Variants in WDR31 observed in about 807,000 individuals in gnomAD.
WDR31 encodes WD repeat domain 31, also known as WD repeat-containing protein 31.
In WDR31, 30 loss-of-function variants were observed where a neutral mutation model predicts 47.3. That is an observed-to-expected ratio of 0.63 (90% confidence interval 0.47 to 0.86). The LOEUF is 0.86. Among genes scored for constraint, WDR31 ranks in the 40% least tolerant of loss-of-function variants. WDR31 has a pLI of 0.00. For missense variants in WDR31, 406 were observed against 442.9 expected, an observed-to-expected ratio of 0.92 and a Z score of 0.75; for synonymous variants, 137 against 159.4, an observed-to-expected ratio of 0.86 and a Z score of 1.06.
intron 3 of WDR31, 130 bp from the exon 4 acceptor site, chr9:113,331,246 G>T (rs749070819): frequency 1.8e-4 from 123 of 683,132 alleles, no homozygotes; most frequent in Non-Finnish European, 2.7e-4. Context: ...TATTTAAAAA[G>T]GAGAAGAGAA....
At chr9:113,326,444 TTC>T (rs1022034820) in intron 5 of WDR31, among the ~76,000 whole-genome samples, 22 of 150,566 alleles carry the variant, frequency 1.5e-4, no homozygotes, top group South Asian at 4.2e-4. Context: ...TCTCTCTTCT[TTC>T]TCTCTCTCTC....
intron 4 of WDR31, 114 bp downstream of exon 4, chr9:113,330,870 A>G (rs1457499775): frequency 1.6e-6 from 2 of 1,220,182 alleles, no homozygotes; most frequent in Non-Finnish European, 2.2e-6. Flanking sequence ...TCTAAAGCCA[A>G]TATTTTTACA....
chr9:113,332,701 T>C (rs965921848), intron 2 of WDR31, among the ~76,000 whole-genome samples: 1 of 151,834 alleles, frequency 6.6e-6, no homozygotes, highest in African/African-American at 2.4e-5. Flanking sequence ...ATACAGAGTA[T>C]CTTAATAGGC....
intron 1 of WDR31, among the ~76,000 whole-genome samples, chr9:113,336,702 T>G (rs918194144): frequency 2.0e-5 from 3 of 152,232 alleles, no homozygotes; most frequent in Non-Finnish European, 4.4e-5. Context: ...AGTTGACTGC[T>G]TATTTCAGAG....
Position 113,318,566 on chromosome 9 carries a change from G to T in WDR31, c.852C>A (p.Cys284Ter). Residue 284 changes from cysteine to a stop codon, truncating the protein, a stop_gained, in exon 10 of 11, where the codon TGC becomes TGA. Coordinates refer to ENST00000374193, the MANE Select transcript of WDR31 (RefSeq NM_001012361.4). LOFTEE classifies it high-confidence loss of function. ...AGGCCAATGCTCTTGGTAGAAAGAC[G>T]CAGGATGCGACAGTCTGGAAATGCC... The part of the protein sequence containing the change: ...YKGHFQTVAS[C>*]VFLPRALALM... 6.2e-7 allele frequency: 1 copy of T among 1,614,192 alleles called. No individual in the cohort carries two copies.
intron 4 of WDR31, among the ~76,000 whole-genome samples, chr9:113,329,598 G>A (rs1221554293): frequency 6.6e-6 from 1 of 151,784 alleles, no homozygotes; most frequent in African/African-American, 2.4e-5. Context: ...CACCCTGCCT[G>A]GCCTAGATTT....
rs139857988 is a variant in WDR31, at chr9:113,317,718, A to G, written c.943+757T>C. ...CTGTTGTAGGACAGATTTGGTTTAA[A>G]GTTCTTTAAGGCAATGCTGTTTCTG... On this transcript the variant is annotated intron_variant, in intron 10 of 10. Coordinates refer to ENST00000374193, the MANE Select transcript of WDR31 (RefSeq NM_001012361.4). 5.3e-5 allele frequency among the ~76,000 whole-genome samples: 8 copies of G among 152,336 alleles called. No individual in the cohort carries two copies. In the East Asian group the frequency reaches 1.5e-3, roughly 29 times the overall value.
In WDR31 at chr9:113,323,030, G is replaced by T. The variant is rs150259659; in HGVS notation, c.450C>A (p.Thr150=). The change falls in exon 6 of 11, where the codon ACC becomes ACA. Residue 150 remains threonine (T), a synonymous_variant. Transcript: ENST00000374193. ...QQLCGHAMVV[T]GLAVSPDSSQ... is the part of the protein sequence containing the mutation. ...TTTTACCTGGACTCACAGCCAATCC[G>T]GTGACCACCATGGCATGGCCACACA... is the stretch of plus-strand genomic sequence containing the variant. 53 of 1,614,150 alleles carry T rather than the reference G, an allele frequency of 3.3e-5. No homozygotes were observed. The African/African-American group carries it at 6.7e-4, about 20-fold the overall frequency.
chr9:113,314,033 G>C lies in WDR31; in HGVS notation c.*2716C>G, dbSNP rs1358126623. The C allele has an allele frequency of 6.6e-6, 1 of 151,250 alleles. No homozygotes were observed. Among genetic ancestry groups the C allele is most frequent in the Non-Finnish European group, 1.5e-5 (1 of 67,880 alleles). The allele number at this position is 151,250 out of a possible 1,614,324, so 9.4% of individuals were successfully genotyped here. On this transcript the variant is annotated 3_prime_UTR_variant, in exon 11 of 11. Coordinates refer to ENST00000374193, the MANE Select transcript of WDR31 (RefSeq NM_001012361.4). Reference sequence around the variant, plus strand: ...AAATTAGCCGGGCGTGATGGCGGGCGCCTGTAGTCCCAGCTATTCGGGAGG... The same window carrying C: ...AAATTAGCCGGGCGTGATGGCGGGCCCCTGTAGTCCCAGCTATTCGGGAGG...
chr9:113,335,919 C>A (rs1490389603), intron 2 of WDR31, among the ~76,000 whole-genome samples: 1 of 152,174 alleles, frequency 6.6e-6, no homozygotes, highest in Non-Finnish European at 1.5e-5. Context: ...CAGTACTGTA[C>A]AACAAAAATA....
At chr9:113,321,718 T>C (rs1833331243) in intron 7 of WDR31, 140 bp from the exon 8 acceptor site, 1 of 747,336 alleles carries the variant, frequency 1.3e-6, no homozygotes, top group Non-Finnish European at 2.2e-6. Context: ...GCATCTTAGG[T>C]TTTGCAGATA....
At chr9:113,320,739 T>C (rs1210557275) in intron 8 of WDR31, among the ~76,000 whole-genome samples, 1 of 152,212 alleles carries the variant, frequency 6.6e-6, no homozygotes, top group Non-Finnish European at 1.5e-5. Flanking sequence ...TTAATAGAAA[T>C]TGAGACCAAG....
At chr9:113,337,281 A>G (rs1833734288) in intron 1 of WDR31, among the ~76,000 whole-genome samples, 1 of 152,138 alleles carries the variant, frequency 6.6e-6, no homozygotes, top group Non-Finnish European at 1.5e-5. Context: ...CTTAAAAGGT[A>G]CCAGGAACTG....
intron 10 of WDR31, 39 bp from the exon 11 acceptor site, chr9:113,316,948 T>TGTA: frequency 6.3e-7 from 1 of 1,595,470 alleles, no homozygotes; most frequent in Middle Eastern, 1.7e-4. Flanking sequence ...AGGCCAAGAG[T>TGTA]GTAGCATCAT....
At position 113,316,910 on chromosome 9, in the gene WDR31, C is replaced by T; in HGVS notation, c.944-1G>A. 1 of 1,612,952 alleles carries T rather than the reference C, an allele frequency of 6.2e-7. No homozygotes were observed. Among genetic ancestry groups the T allele is most frequent in the Non-Finnish European group, 8.5e-7 (1 of 1,179,460 alleles). On this transcript the variant is annotated splice_acceptor_variant, in intron 10 of 10. Coordinates refer to ENST00000374193, the MANE Select transcript of WDR31 (RefSeq NM_001012361.4). LOFTEE classifies it high-confidence loss of function. ...TCCAGAGACAAGGTGAAAAGGCAGG[C>T]TGGGGGGGAAAGGGGGACCAGCAGA... is the stretch of plus-strand genomic sequence containing the variant.
chr9:113,322,839 A>G lies in WDR31; in HGVS notation c.542T>C (p.Val181Ala). 6.2e-7 allele frequency: 1 copy of G among 1,614,000 alleles called. No homozygotes were observed. Among genetic ancestry groups the G allele is most frequent in the East Asian group, 2.2e-5 (1 of 44,870 alleles). The change falls in exon 7 of 11, where the codon GTG becomes GCG. Residue 181 changes from valine to alanine, a missense_variant. Transcript: ENST00000374193. ...GTTCCTGGAGACAGATGCTCTTTCC[A>G]CACTCTGTCCTGTCACCACATCCCA... ...LLWDVVTGQSVERASVSRNVV... is the reference protein window; with the variant it reads ...LLWDVVTGQSAERASVSRNVV...
chr9:113,317,037 A>C lies in WDR31; in HGVS notation c.944-128T>G, dbSNP rs114961235. On this transcript the variant is annotated intron_variant, in intron 10 of 10. Coordinates refer to ENST00000374193, the MANE Select transcript of WDR31 (RefSeq NM_001012361.4). ...ATCTAACCCGTATGAGAGAGACCCC[A>C]CTTCTTCAGAGGAAAGCATACCAGG... The C allele has an allele frequency of 2.1e-3, 2,408 of 1,120,470 alleles. 36 individuals carry two copies. In the African/African-American group the frequency reaches 0.032, roughly 15 times the overall value. 69.4% of individuals were successfully genotyped at this position (1,120,470 alleles called of 1,614,324 possible).
At position 113,330,979 on chromosome 9, in the gene WDR31, C is replaced by T; in HGVS notation, c.249+5G>A. ...TCATTTCCCGGGAAACACTGCAAAC[C>T]CCACCTTATCTTTCCCTCCAGAGAC... On this transcript the variant is annotated splice_donor_5th_base_variant and intron_variant, in intron 4 of 10. Transcript: ENST00000374193. 6.3e-7 allele frequency: 1 copy of T among 1,597,850 alleles called. No homozygotes were observed. The highest frequency in any genetic ancestry group is 8.5e-7 in the Non-Finnish European group (1 of 1,169,728).
chr9:113,316,933 A>G, intron 10 of WDR31, 24 bp from the exon 11 acceptor site: 1 of 1,610,854 alleles, frequency 6.2e-7, no homozygotes, highest in Non-Finnish European at 8.5e-7. Context: ...GGGGACCAGC[A>G]GATTAGGCCA....
Sources: allele counts gnomAD v4.1 joint callset (sites outside exome capture counted in the v4.1 genomes callset), GRCh38; gene constraint gnomAD v4.1.1; transcripts MANE v1.5; gene names NCBI Gene and HGNC (gene_info 2026-07-23, HGNC 2026-07-21).